The following COMMD1 variants were observed in gnomAD, a reference collection of about 807,000 sequenced individuals.
COMMD1 encodes the protein COMM domain-containing protein 1.
Under a neutral mutation model 17.2 loss-of-function variants are expected in COMMD1, and 10 were observed. That is an observed-to-expected ratio of 0.58 (90% CI 0.36 to 0.99). The LOEUF (loss-of-function observed/expected upper bound fraction) is 0.99. Ranked by LOEUF, COMMD1 falls within the 50% of genes least tolerant of loss-of-function variation. The probability of loss-of-function intolerance (pLI) is 0.01; values close to 1 mark genes in which losing one functional copy is unlikely to be tolerated. For synonymous variants in COMMD1, 97 were observed against 91.6 expected (o/e 1.06, Z -0.34); for missense variants, 270 against 231.8 (o/e 1.17, Z -1.07).
chr2:61,935,502 C>G (rs1670582473), intron 1 of COMMD1, among the ~76,000 whole-genome samples: 1 of 152,024 alleles, frequency 6.6e-6, no homozygotes, highest in Non-Finnish European at 1.5e-5. Flanking sequence ...ATGGCAGGTG[C>G]CTGTAATCCT....
intron 1 of COMMD1, 122 bp downstream of exon 1, chr2:61,905,980 C>T (rs4672466): frequency 0.054 from 50,134 of 934,844 alleles, 4,356 homozygotes; most frequent in African/African-American, 0.33. Flanking sequence ...CTCAGACCTC[C>T]ACTCCGTGGG....
intron 1 of COMMD1, among the ~76,000 whole-genome samples, chr2:61,963,228 C>CAT (rs201744053): frequency 0.12 from 17,555 of 146,398 alleles, 2,602 homozygotes; most frequent in African/African-American, 0.35. Context: ...CACATATATA[C>CAT]ATATATACAC....
At chr2:61,934,879 A>G (rs906059409) in intron 1 of COMMD1, among the ~76,000 whole-genome samples, 6 of 152,150 alleles carry the variant, frequency 3.9e-5, no homozygotes, top group Non-Finnish European at 8.8e-5. Flanking sequence ...TGGCTTCCCA[A>G]ATTGCTGAGA....
intron 1 of COMMD1, among the ~76,000 whole-genome samples, chr2:61,983,991 C>A (rs1454515620): frequency 6.6e-6 from 1 of 152,146 alleles, no homozygotes; most frequent in Non-Finnish European, 1.5e-5. Context: ...TTCCTTAGTA[C>A]TGCTTTCACT....
At chr2:61,911,428 A>T (rs1669903261) in intron 1 of COMMD1, among the ~76,000 whole-genome samples, 1 of 152,138 alleles carries the variant, frequency 6.6e-6, no homozygotes, top group African/African-American at 2.4e-5. Context: ...GTGAGCCGGG[A>T]TGGCACCATT....
At chr2:61,977,398 C>T (rs1418339544) in intron 1 of COMMD1, among the ~76,000 whole-genome samples, 3 of 151,712 alleles carry the variant, frequency 2.0e-5, no homozygotes, top group African/African-American at 7.3e-5. Flanking sequence ...GCATGTGCCA[C>T]AGCACCTGGC....
At chr2:61,937,451 G>T (rs956730509) in intron 1 of COMMD1, among the ~76,000 whole-genome samples, 1 of 152,166 alleles carries the variant, frequency 6.6e-6, no homozygotes, top group African/African-American at 2.4e-5. Flanking sequence ...GGTCCATCCT[G>T]TCCTTCAGTG....
intron 2 of COMMD1, among the ~76,000 whole-genome samples, chr2:62,103,752 T>C (rs1348526292): frequency 6.6e-6 from 1 of 152,214 alleles, no homozygotes; most frequent in African/African-American, 2.4e-5. Context: ...TTATACATGT[T>C]TCCTGAAATC....
intron 1 of COMMD1, among the ~76,000 whole-genome samples, chr2:61,948,638 C>T (rs1670975309): frequency 1.3e-5 from 2 of 152,118 alleles, no homozygotes; most frequent in Non-Finnish European, 2.9e-5. Flanking sequence ...TTGTCTTTGC[C>T]TCACTTTATT....
intron 2 of COMMD1, among the ~76,000 whole-genome samples, chr2:62,056,326 C>T (rs1670699431): frequency 1.3e-5 from 2 of 152,198 alleles, no homozygotes; most frequent in African/African-American, 4.8e-5. Context: ...CACATCTTCT[C>T]TTATGCACAG....
intron 1 of COMMD1, chr2:61,968,838 A>G (rs914587331): frequency 3.1e-5 from 6 of 194,818 alleles, no homozygotes; most frequent in African/African-American, 1.2e-4. Context: ...GATTACAGGC[A>G]TGAACCACCG....
chr2:61,904,639 T>C (rs1189842403), upstream of COMMD1, among the ~76,000 whole-genome samples: 5 of 152,236 alleles, frequency 3.3e-5, no homozygotes, highest in Admixed American at 3.3e-4. Flanking sequence ...TATTATATTA[T>C]AAATTCCTTT....
Position 62,134,071 on chromosome 2 carries a change from G to A in COMMD1, c.463-1760G>A, listed in dbSNP as rs1363789791. Among the ~76,000 whole-genome samples the A allele has an allele frequency of 2.0e-5, 3 of 152,098 alleles. No individual in the cohort carries two copies. The East Asian group carries it at 5.8e-4, about 29-fold the overall frequency. Reference sequence around the variant, plus strand: ...CCTGCGTCAGCCTCCCAAAATGCTGGGGTTACAGGCATGAGCCACCATGCC... The same window carrying A: ...CCTGCGTCAGCCTCCCAAAATGCTGAGGTTACAGGCATGAGCCACCATGCC... On this transcript the variant is annotated intron_variant, in intron 2 of 2. Transcript: ENST00000311832.
intron 1 of COMMD1, among the ~76,000 whole-genome samples, chr2:61,913,749 T>C (rs1669973274): frequency 7.5e-6 from 1 of 132,556 alleles, no homozygotes; most frequent in Non-Finnish European, 1.5e-5. Flanking sequence ...TGAGCCAAGA[T>C]TGCACCACTG....
At chr2:62,068,978 A>C (rs2103956828) in intron 2 of COMMD1, among the ~76,000 whole-genome samples, 1 of 152,040 alleles carries the variant, frequency 6.6e-6, no homozygotes, top group Middle Eastern at 3.4e-3. Flanking sequence ...AAAGATACTA[A>C]AGACCTTTTT....
intron 1 of COMMD1, among the ~76,000 whole-genome samples, chr2:61,978,186 C>T (rs566193288): frequency 2.0e-5 from 3 of 152,206 alleles, no homozygotes; most frequent in African/African-American, 7.2e-5. Flanking sequence ...TGCCATTTAT[C>T]CACGTTTGTT....
upstream of COMMD1, among the ~76,000 whole-genome samples, chr2:61,900,846 CTG>C (rs1457833580): frequency 6.6e-6 from 1 of 152,036 alleles, no homozygotes; most frequent in African/African-American, 2.4e-5. Flanking sequence ...GAGAAAGTGT[CTG>C]AGGCTTTTAT....
intron 2 of COMMD1, among the ~76,000 whole-genome samples, chr2:62,095,505 A>C (rs959187647): frequency 6.6e-6 from 1 of 151,966 alleles, no homozygotes; most frequent in African/African-American, 2.4e-5. Context: ...TAAATCTCCA[A>C]ATTCTAAATT....
intron 1 of COMMD1, among the ~76,000 whole-genome samples, chr2:61,945,068 A>G (rs1408080419): frequency 1.3e-5 from 2 of 152,208 alleles, no homozygotes; most frequent in African/African-American, 4.8e-5. Flanking sequence ...GATGGGAGAA[A>G]GACCAGAACA....
Sources: allele counts gnomAD v4.1 joint callset (sites outside exome capture counted in the v4.1 genomes callset), GRCh38; gene constraint gnomAD v4.1.1; transcripts MANE v1.5; gene names NCBI Gene and HGNC (gene_info 2026-07-23, HGNC 2026-07-21).